The following RBFOX1 variants were observed in gnomAD, a reference collection of about 807,000 sequenced individuals.
RBFOX1 encodes the protein RNA binding fox-1 homolog 1, also known as RNA binding protein fox-1 homolog 1.
A neutral mutation model predicts 57.7 loss-of-function variants in RBFOX1; 8 were observed. That is an observed-to-expected ratio of 0.14 (90% CI 0.08 to 0.25). RBFOX1 has a LOEUF of 0.25. Among genes scored for constraint, RBFOX1 ranks in the 10% least tolerant of loss-of-function variants. RBFOX1 has a pLI of 1.00. For synonymous variants in RBFOX1, 326 were observed against 222.4 expected, an observed-to-expected ratio of 1.47 and a Z score of -4.15; for missense variants, 611 against 548.5, an observed-to-expected ratio of 1.11 and a Z score of -1.14.
intron 4 of RBFOX1, among the ~76,000 whole-genome samples, chr16:7,093,346 A>G (rs953357104): frequency 6.6e-6 from 1 of 152,214 alleles, no homozygotes; most frequent in Non-Finnish European, 1.5e-5. Context: ...GAGATAGTTC[A>G]GAGCCCTGAA....
intron 2 of RBFOX1, among the ~76,000 whole-genome samples, chr16:6,562,568 G>C (rs189276909): frequency 6.6e-6 from 1 of 152,316 alleles, no homozygotes; most frequent in East Asian, 1.9e-4. Flanking sequence ...TGTGTAATTG[G>C]ATATTTCACT....
Position 7,518,918 on chromosome 16 carries a change from G to A in RBFOX1, c.270+529G>A, listed in dbSNP as rs1005748694. Among the ~76,000 whole-genome samples the A allele has an allele frequency of 2.0e-5, 3 of 152,278 alleles. No homozygotes were observed. In the South Asian group the frequency reaches 6.2e-4, roughly 32 times the overall value. On this transcript the variant is annotated intron_variant, in intron 5 of 15. Transcript: ENST00000550418. ...CATGCCTGTAGTCCCAGCTACTTGGGAGACTGAGGTGGGAGGATGGCTTGG... is the reference window on the plus strand; with the variant it reads ...CATGCCTGTAGTCCCAGCTACTTGGAAGACTGAGGTGGGAGGATGGCTTGG...
intron 1 of RBFOX1, among the ~76,000 whole-genome samples, chr16:6,247,254 G>A (rs2097574489): frequency 6.6e-6 from 1 of 152,194 alleles, no homozygotes; most frequent in South Asian, 2.1e-4. Flanking sequence ...TGCTGGACGT[G>A]TAATAGTTAC....
At chr16:6,387,660 T>G (rs1365537965) in intron 2 of RBFOX1, among the ~76,000 whole-genome samples, 1 of 152,170 alleles carries the variant, frequency 6.6e-6, no homozygotes, top group East Asian at 1.9e-4. Flanking sequence ...CTAATTATAT[T>G]TTTAGCTTTA....
chr16:6,800,785 C>G (rs987315907), intron 3 of RBFOX1, among the ~76,000 whole-genome samples: 2 of 152,024 alleles, frequency 1.3e-5, no homozygotes. Flanking sequence ...GACAAAGTAG[C>G]TTTTGAAACT....
intron 1 of RBFOX1, among the ~76,000 whole-genome samples, chr16:6,041,636 C>A (rs1039412875): frequency 8.5e-5 from 13 of 152,110 alleles, no homozygotes; most frequent in African/African-American, 2.9e-4. Flanking sequence ...AGCCTGAAAC[C>A]AAAGCCTAAG....
At chr16:7,359,231 G>A (rs1217261590) in intron 4 of RBFOX1, among the ~76,000 whole-genome samples, 2 of 152,064 alleles carry the variant, frequency 1.3e-5, no homozygotes, top group Non-Finnish European at 1.5e-5. Context: ...CCTCTCAGAG[G>A]GACGATTATG....
intron 4 of RBFOX1, among the ~76,000 whole-genome samples, chr16:7,355,949 A>G (rs551304875): frequency 1.3e-5 from 2 of 152,124 alleles, no homozygotes; most frequent in Non-Finnish European, 2.9e-5. Context: ...CAAAAACCAT[A>G]TTTTCTTTCA....
At chr16:6,211,033 G>A (rs1416125368) in intron 1 of RBFOX1, among the ~76,000 whole-genome samples, 1 of 152,074 alleles carries the variant, frequency 6.6e-6, no homozygotes, top group Non-Finnish European at 1.5e-5. Context: ...TTTTGACACT[G>A]AAGAAAACAC....
chr16:6,945,304 G>A (rs1421340491), intron 3 of RBFOX1, among the ~76,000 whole-genome samples: 1 of 152,118 alleles, frequency 6.6e-6, no homozygotes, highest in Admixed American at 6.5e-5. Flanking sequence ...GTGTACACTA[G>A]GGGTCTCAAA....
chr16:7,474,906 A>G (rs1008586173), intron 4 of RBFOX1, among the ~76,000 whole-genome samples: 9 of 152,046 alleles, frequency 5.9e-5, no homozygotes, highest in East Asian at 1.9e-4. Flanking sequence ...CGTCTCATAT[A>G]TTTTCCAATA....
chr16:6,847,496 G>A (rs2093820043), intron 3 of RBFOX1, among the ~76,000 whole-genome samples: 1 of 152,032 alleles, frequency 6.6e-6, no homozygotes, highest in Non-Finnish European at 1.5e-5. Context: ...TACCACTGTG[G>A]CCCACGTTTT....
intron 5 of RBFOX1, among the ~76,000 whole-genome samples, chr16:7,568,664 T>C (rs2092403691): frequency 2.0e-5 from 3 of 151,854 alleles, no homozygotes; most frequent in African/African-American, 7.3e-5. Flanking sequence ...GGCAGGTGGA[T>C]CATGAGGTCA....
At chr16:6,197,373 C>G (rs1286388808) in intron 1 of RBFOX1, among the ~76,000 whole-genome samples, 1 of 152,088 alleles carries the variant, frequency 6.6e-6, no homozygotes, top group African/African-American at 2.4e-5. Flanking sequence ...AATCAATACC[C>G]CTCCACCCCA....
intron 2 of RBFOX1, among the ~76,000 whole-genome samples, chr16:6,573,090 C>T (rs941740273): frequency 2.6e-5 from 4 of 152,084 alleles, no homozygotes; most frequent in African/African-American, 9.7e-5. Flanking sequence ...TGATCTGCTC[C>T]CTCAGACCCT....
chr16:7,460,160 C>T (rs1030258450), intron 4 of RBFOX1, among the ~76,000 whole-genome samples: 7 of 151,452 alleles, frequency 4.6e-5, no homozygotes, highest in Non-Finnish European at 7.4e-5. Context: ...ATTTGCTTAT[C>T]CTCTTAGGCT....
chr16:5,245,970 C>G (rs2062289239), intron 1 of RBFOX1, among the ~76,000 whole-genome samples: 1 of 152,064 alleles, frequency 6.6e-6, no homozygotes. Context: ...CTGGCCGGGC[C>G]CAGTGGCTCA....
intron 1 of RBFOX1, among the ~76,000 whole-genome samples, chr16:6,244,148 C>T (rs2097555844): frequency 6.6e-6 from 1 of 151,996 alleles, no homozygotes; most frequent in Non-Finnish European, 1.5e-5. Flanking sequence ...GTCTATCACT[C>T]CATTATCCCT....
intron 2 of RBFOX1, among the ~76,000 whole-genome samples, chr16:6,487,003 A>G (rs1024115393): frequency 9.2e-5 from 14 of 152,050 alleles, no homozygotes; most frequent in Non-Finnish European, 1.3e-4. Flanking sequence ...AGCATTTAAT[A>G]TACAGTGTTT....
Sources: gnomAD v4.1 joint callset for allele counts (sites outside exome capture counted in the v4.1 genomes callset) on GRCh38, gnomAD v4.1.1 for gene constraint, MANE v1.5 for transcripts, NCBI Gene and HGNC (gene_info 2026-07-23, HGNC 2026-07-21) for gene names.